Variants in FAM83B observed in about 807,000 individuals in gnomAD.
FAM83B encodes the protein scaffolding CK1 anchoring protein B.
In FAM83B, 26 loss-of-function variants were observed where a neutral mutation model predicts 38.8. That is an observed-to-expected ratio of 0.67 (90% confidence interval 0.49 to 0.93). The LOEUF (loss-of-function observed/expected upper bound fraction) is 0.93. Ranked by LOEUF, FAM83B falls within the 40% of genes least tolerant of loss-of-function variation. The pLI, the probability that FAM83B is intolerant of heterozygous loss-of-function variation, is 0.00. For missense variants in FAM83B, 1,237 were observed against 1,197.3 expected, an observed-to-expected ratio of 1.03 and a Z score of -0.49; for synonymous variants, 419 against 423.1, an observed-to-expected ratio of 0.99 and a Z score of 0.12.
rs1220537902 is a variant in FAM83B at position 54,942,078 on chromosome 6, T to C, written c.*71T>C. The C allele has an allele frequency of 1.1e-5, 16 of 1,431,294 alleles. No individual in the cohort carries two copies. The South Asian group carries it at 1.7e-4, about 15-fold the overall frequency. 88.7% of individuals were successfully genotyped at this position (1,431,294 alleles called of 1,614,324 possible). On this transcript the variant is annotated 3_prime_UTR_variant, in exon 5 of 5. Transcript: ENST00000306858. The stretch of plus-strand genomic sequence containing the variant: ...AAAATTGTGGACAGTCTTTGTAACA[T>C]GCCAATAGATTTTCCTAAGGACAGA...
At chr6:54,889,190 C>G (rs116742832) in intron 2 of FAM83B, among the ~76,000 whole-genome samples, 70 of 152,150 alleles carry the variant, frequency 4.6e-4, no homozygotes, top group African/African-American at 1.4e-3. Flanking sequence ...GTGTCACAGT[C>G]TGTTTTTGAT....
At chr6:54,891,707 C>T (rs1212226295) in intron 2 of FAM83B, among the ~76,000 whole-genome samples, 2 of 152,150 alleles carry the variant, frequency 1.3e-5, no homozygotes, top group Admixed American at 6.6e-5. Context: ...CTGTTAAAGG[C>T]ATCATCACAT....
At chr6:54,934,031 T>G (rs1581931200) in intron 4 of FAM83B, among the ~76,000 whole-genome samples, 1 of 152,134 alleles carries the variant, frequency 6.6e-6, no homozygotes, top group Non-Finnish European at 1.5e-5. Flanking sequence ...ATGTTCTGGG[T>G]GCTCTATCTT....
intron 2 of FAM83B, among the ~76,000 whole-genome samples, chr6:54,907,060 A>G (rs1222442015): frequency 6.6e-6 from 1 of 152,200 alleles, no homozygotes; most frequent in Non-Finnish European, 1.5e-5. Flanking sequence ...TACTCATTAC[A>G]GTTATATGGA....
Position 54,940,342 on chromosome 6 carries a change from A to T in FAM83B, c.1371A>T (p.Ala457=), listed in dbSNP as rs1244679606. Residue 457 remains alanine (A), a synonymous_variant, in exon 5 of 5, where the codon GCA becomes GCT. Coordinates refer to ENST00000306858, the MANE Select transcript of FAM83B (RefSeq NM_001010872.3). ...RLAQRKTTNL[A]DRNSNVRRSF... ...CGCAGAGAAAAACAACAAATCTTGCAGACAGGAATTCAAATGTTCGGAGGT... is the reference window on the plus strand; with the variant it reads ...CGCAGAGAAAAACAACAAATCTTGCTGACAGGAATTCAAATGTTCGGAGGT... The T allele has an allele frequency of 6.2e-7, 1 of 1,614,140 alleles. No individual in the cohort carries two copies. The highest frequency in any genetic ancestry group is 1.1e-5 in the South Asian group (1 of 91,088).
chr6:54,897,893 A>G (rs1258586733), intron 2 of FAM83B, among the ~76,000 whole-genome samples: 1 of 152,212 alleles, frequency 6.6e-6, no homozygotes, highest in East Asian at 1.9e-4. Context: ...ATAATCAAGT[A>G]AAACAATTAC....
chr6:54,851,647 G>GT (rs577598548), intron 1 of FAM83B, among the ~76,000 whole-genome samples: 35,387 of 86,882 alleles, frequency 0.41, 7,773 homozygotes, highest in Non-Finnish European at 0.46. Context: ...TAATTTTTGT[G>GT]TTTTTTTTTT....
At chr6:54,916,815 C>G (rs1207170018) in intron 2 of FAM83B, among the ~76,000 whole-genome samples, 1 of 152,114 alleles carries the variant, frequency 6.6e-6, no homozygotes. Flanking sequence ...ACTTACGAAC[C>G]AACTTCTACA....
Position 54,941,981 on chromosome 6 carries a change from G to C in FAM83B, c.3010G>C (p.Gly1004Arg). ...GTTTCGAGGATTTATGCAAAAGTTT[G>C]GAAACTTTATACACAAAAATAAATA... Reference protein sequence around the residue: ...NKFRGFMQKFGNFIHKNK With the variant: ...NKFRGFMQKFRNFIHKNK Residue 1004 changes from glycine to arginine, a missense_variant, in exon 5 of 5, where the codon GGA (glycine) becomes CGA (arginine). Coordinates refer to ENST00000306858, the MANE Select transcript of FAM83B (RefSeq NM_001010872.3). The C allele has an allele frequency of 1.2e-6, 2 of 1,602,974 alleles. No individual in the cohort carries two copies. The highest frequency in any genetic ancestry group is 1.7e-6 in the Non-Finnish European group (2 of 1,175,544).
chr6:54,905,331 T>C (rs1261512998), intron 2 of FAM83B, among the ~76,000 whole-genome samples: 1 of 152,116 alleles, frequency 6.6e-6, no homozygotes, highest in Non-Finnish European at 1.5e-5. Context: ...ACGTGTGCGA[T>C]TGTGCTGAAA....
intron 2 of FAM83B, among the ~76,000 whole-genome samples, chr6:54,880,600 A>G (rs1226201039): frequency 6.6e-6 from 1 of 151,866 alleles, no homozygotes; most frequent in African/African-American, 2.4e-5. Flanking sequence ...GTGCGCCACC[A>G]TGCCTTGCTA....
At chr6:54,882,522 A>T (rs1007387644) in intron 2 of FAM83B, among the ~76,000 whole-genome samples, 4 of 152,130 alleles carry the variant, frequency 2.6e-5, no homozygotes, top group Non-Finnish European at 5.9e-5. Flanking sequence ...GCTTGGGCTT[A>T]CCATTATGGT....
intron 2 of FAM83B, among the ~76,000 whole-genome samples, chr6:54,893,261 G>A (rs1323131539): frequency 2.6e-5 from 4 of 152,098 alleles, no homozygotes; most frequent in South Asian, 2.1e-4. Context: ...GTATATTTTC[G>A]AGGAGATCTA....
In FAM83B at chr6:54,870,226, C is replaced by T. The variant is rs1771811647; in HGVS notation, c.-21C>T. The T allele has an allele frequency of 6.3e-7, 1 of 1,591,648 alleles. No homozygotes were observed. The highest frequency in any genetic ancestry group is 2.2e-5 in the East Asian group (1 of 44,558). ...TGCATGAATGGACATTTGAAAGTGC[C>T]ATAGCCAAACACTTGCAAGCATGGA... On this transcript the variant is annotated 5_prime_UTR_variant, in exon 2 of 5. Transcript: ENST00000306858.
At chr6:54,904,509 T>A (rs143884621) in intron 2 of FAM83B, among the ~76,000 whole-genome samples, 1 of 152,266 alleles carries the variant, frequency 6.6e-6, no homozygotes, top group African/African-American at 2.4e-5. Context: ...ACGGCTCTGT[T>A]TTAATATCTC....
intron 4 of FAM83B, among the ~76,000 whole-genome samples, chr6:54,936,271 T>A (rs1215520510): frequency 6.6e-6 from 1 of 152,118 alleles, no homozygotes; most frequent in Non-Finnish European, 1.5e-5. Flanking sequence ...TGCCACACAT[T>A]CACCAACACC....
chr6:54,933,976 C>G (rs558703369), intron 4 of FAM83B, among the ~76,000 whole-genome samples: 2 of 152,196 alleles, frequency 1.3e-5, no homozygotes, highest in South Asian at 2.1e-4. Flanking sequence ...TAGGAATGAG[C>G]TGGCCAAACA....
chr6:54,870,479 G>A lies in FAM83B; in HGVS notation c.233G>A (p.Gly78Asp). ...AAAGTTGCACAAAGCACAGCACATG[G>A]TACTGATGATTCCTGTGATGATACC... is the stretch of plus-strand genomic sequence containing the variant. ...VQKVAQSTAH[G>D]TDDSCDDTLS... Residue 78 changes from glycine to aspartate, a missense_variant, in exon 2 of 5, where the codon GGT becomes GAT. Physicochemically the swap from Gly to Asp is moderately conservative, Grantham distance 94 (BLOSUM62 -1). Transcript: ENST00000306858. The A allele has an allele frequency of 6.2e-7, 1 of 1,613,916 alleles. No homozygotes were observed. Among genetic ancestry groups the A allele is most frequent in the Non-Finnish European group, 8.5e-7 (1 of 1,179,918 alleles).
intron 1 of FAM83B, among the ~76,000 whole-genome samples, chr6:54,855,645 G>A (rs12191386): frequency 0.33 from 50,370 of 151,892 alleles, 9,708 homozygotes; most frequent in Non-Finnish European, 0.44. Flanking sequence ...GTATGTGGAA[G>A]AATTAGAATA....
Sources: gnomAD v4.1 joint callset for allele counts (sites outside exome capture counted in the v4.1 genomes callset) on GRCh38, gnomAD v4.1.1 for gene constraint, MANE v1.5 for transcripts, NCBI Gene and HGNC (gene_info 2026-07-23, HGNC 2026-07-21) for gene names.